SOX6: variants seen among roughly 807,000 people sequenced by gnomAD.
The protein encoded by SOX6 is SRY-box transcription factor 6.
SOX6 carries 11 observed loss-of-function variants against 97.8 expected under a neutral mutation model. The observed-to-expected ratio is 0.11, with a 90% CI of 0.07 to 0.19. The LOEUF (loss-of-function observed/expected upper bound fraction) is 0.19, where lower values mean the gene tolerates loss of function less well. Ranked by LOEUF, SOX6 falls within the 10% of genes least tolerant of loss-of-function variation. SOX6 has a pLI of 1.00. For missense variants in SOX6, 810 were observed against 1,039.5 expected, an observed-to-expected ratio of 0.78 and a Z score of 3.04; for synonymous variants, 360 against 371.4, an observed-to-expected ratio of 0.97 and a Z score of 0.35.
chr11:16,111,316 T>C (rs1434723568), intron 7 of SOX6, among the ~76,000 whole-genome samples: 1 of 152,230 alleles, frequency 6.6e-6, no homozygotes, highest in Non-Finnish European at 1.5e-5. Flanking sequence ...ACTGAATACT[T>C]CATTTTTTTA....
At chr11:16,029,229 C>T (rs1051027009) in intron 12 of SOX6, among the ~76,000 whole-genome samples, 1 of 152,134 alleles carries the variant, frequency 6.6e-6, no homozygotes, top group Admixed American at 6.5e-5. Context: ...AATAAACAAG[C>T]ACATGTTTAT....
intron 3 of SOX6, among the ~76,000 whole-genome samples, chr11:16,243,615 C>T (rs1565043177): frequency 1.3e-5 from 2 of 151,830 alleles, no homozygotes; most frequent in South Asian, 2.1e-4. Flanking sequence ...TCCACCCTCC[C>T]GAAAGAAGAT....
intron 1 of SOX6, among the ~76,000 whole-genome samples, chr11:16,349,702 AAGGAAGGAAGG>A (rs1856872955): frequency 2.1e-5 from 1 of 47,958 alleles, no homozygotes; most frequent in African/African-American, 6.3e-5. Flanking sequence ...GGAAGGAAGG[AAGGAAGGAAGG>A]AAGAAGGAAG....
rs527393611 is a variant in SOX6 at position 16,430,769 on chromosome 11, C to T, written c.-5+45546G>A. Among the ~76,000 whole-genome samples, 3 of 152,254 alleles carry T rather than the reference C, an allele frequency of 2.0e-5. No individual in the cohort carries two copies. The East Asian group carries it at 5.8e-4, about 29-fold the overall frequency. On this transcript the variant is annotated intron_variant, in intron 1 of 15. Transcript: ENST00000396356. ...CAGCAGCCCAAGTTGACTGAGACAC[C>T]TCCTAACTAGTCTCCCTGCTATAGT... is the stretch of plus-strand genomic sequence containing the variant.
At chr11:16,325,579 A>C (rs1856061841) in intron 2 of SOX6, among the ~76,000 whole-genome samples, 1 of 152,170 alleles carries the variant, frequency 6.6e-6, no homozygotes, top group Non-Finnish European at 1.5e-5. Flanking sequence ...CGAGAGAGTC[A>C]GTATATTATA....
intron 4 of SOX6, among the ~76,000 whole-genome samples, chr11:16,488,327 G>A (rs1299368910): frequency 6.6e-6 from 1 of 152,002 alleles, no homozygotes; most frequent in Non-Finnish European, 1.5e-5. Flanking sequence ...AGAGAAGAAA[G>A]CAGATTGTAA....
chr11:16,375,966 G>A (rs201656515), intron 1 of SOX6, among the ~76,000 whole-genome samples: 1 of 152,074 alleles, frequency 6.6e-6, no homozygotes. Context: ...CTCATAAGTG[G>A]GAGTTGAACA....
chr11:15,994,090 T>C (rs180820783), intron 13 of SOX6, among the ~76,000 whole-genome samples: 2 of 152,284 alleles, frequency 1.3e-5, no homozygotes, highest in East Asian at 3.9e-4. Context: ...CAAAGATAAA[T>C]AACATGTGCA....
At chr11:16,127,419 C>T (rs2134014902) in intron 6 of SOX6, among the ~76,000 whole-genome samples, 1 of 152,104 alleles carries the variant, frequency 6.6e-6, no homozygotes, top group African/African-American at 2.4e-5. Context: ...TCTTTACCTA[C>T]ATCTATTAAA....
chr11:16,238,214 A>G (rs1008292986), intron 3 of SOX6, among the ~76,000 whole-genome samples: 1 of 151,954 alleles, frequency 6.6e-6, no homozygotes, highest in Non-Finnish European at 1.5e-5. Flanking sequence ...CAAGGATGTA[A>G]ACGTTTTGAT....
intron 4 of SOX6, among the ~76,000 whole-genome samples, chr11:16,577,597 G>A (rs956981775): frequency 1.3e-5 from 2 of 152,050 alleles, no homozygotes; most frequent in African/African-American, 4.8e-5. Context: ...TTTAGTTTCT[G>A]GGTTTGTTTG....
chr11:16,259,472 TA>T (rs934101689), intron 3 of SOX6, among the ~76,000 whole-genome samples: 9 of 151,878 alleles, frequency 5.9e-5, no homozygotes, highest in African/African-American at 1.7e-4. Flanking sequence ...CCATAATCAG[TA>T]AAAAAAATTT....
intron 9 of SOX6, among the ~76,000 whole-genome samples, chr11:16,058,281 T>G (rs1335592022): frequency 6.6e-6 from 1 of 152,120 alleles, no homozygotes; most frequent in Non-Finnish European, 1.5e-5. Context: ...TTTTATAGCA[T>G]CCTGTTCTCT....
intron 3 of SOX6, among the ~76,000 whole-genome samples, chr11:16,301,256 C>G (rs1237601250): frequency 6.6e-6 from 1 of 152,178 alleles, no homozygotes; most frequent in Non-Finnish European, 1.5e-5. Context: ...CTTAATCAAA[C>G]AAATTTATCC....
At chr11:16,561,783 G>C (rs1036411934) in intron 4 of SOX6, among the ~76,000 whole-genome samples, 2 of 152,072 alleles carry the variant, frequency 1.3e-5, no homozygotes, top group African/African-American at 4.8e-5. Context: ...AGATTGGAGT[G>C]CAGTGGCGCG....
At position 16,528,632 on chromosome 11, in the gene SOX6, G is replaced by C. The variant is rs527484875; in HGVS notation, n.610-52244C>G. 2.6e-5 allele frequency among the ~76,000 whole-genome samples: 4 copies of C among 152,144 alleles called. No homozygotes were observed. The East Asian group carries it at 5.8e-4, about 22-fold the overall frequency. On this transcript the variant is annotated intron_variant and non_coding_transcript_variant, in intron 4 of 5. Coordinates refer to the SOX6 transcript ENST00000524520. ...TCTAAGTGAAATAGGGAAATGTAAG[G>C]GTAGTGAAAAAGAGGGGAACGTCTA...
intron 5 of SOX6, among the ~76,000 whole-genome samples, chr11:16,184,991 T>A (rs1024047564): frequency 3.9e-5 from 6 of 152,212 alleles, no homozygotes; most frequent in African/African-American, 1.4e-4. Flanking sequence ...GAATGGGTTA[T>A]GTTGGAAGTG....
At chr11:16,028,525 T>C (rs1855270774) in intron 12 of SOX6, among the ~76,000 whole-genome samples, 1 of 152,236 alleles carries the variant, frequency 6.6e-6, no homozygotes, top group Non-Finnish European at 1.5e-5. Context: ...CTAGGAGGGA[T>C]GACAACAGAA....
chr11:16,206,196 A>G (rs1386631077), intron 4 of SOX6, among the ~76,000 whole-genome samples: 2 of 152,124 alleles, frequency 1.3e-5, no homozygotes, highest in East Asian at 3.8e-4. Context: ...TTTTAAGAGT[A>G]TTCTGCATTA....
Sources: gnomAD v4.1 joint callset for allele counts (sites outside exome capture counted in the v4.1 genomes callset) on GRCh38, gnomAD v4.1.1 for gene constraint, MANE v1.5 for transcripts, NCBI Gene and HGNC (gene_info 2026-07-23, HGNC 2026-07-21) for gene names.